The following CNTN3 variants were observed in gnomAD, a reference collection of about 807,000 sequenced individuals.
The protein encoded by CNTN3 is contactin 3, also known as contactin-3.
In CNTN3, 60 loss-of-function variants were observed where a neutral mutation model predicts 119.1. The ratio of observed to expected loss-of-function variants is 0.50; its 90% CI spans 0.41 to 0.62. The LOEUF (loss-of-function observed/expected upper bound fraction) is 0.62, where lower values mean the gene tolerates loss of function less well. CNTN3 is among the 20% of genes least tolerant of loss of function. The pLI is 0.00. For synonymous variants in CNTN3, 450 were observed against 438.7 expected (o/e 1.03, Z -0.32); for missense variants, 1,101 against 1,242.4 (o/e 0.89, Z 1.71).
At chr3:74,323,029 A>T (rs1419068816) in intron 13 of CNTN3, among the ~76,000 whole-genome samples, 3 of 152,202 alleles carry the variant, frequency 2.0e-5, no homozygotes, top group Non-Finnish European at 4.4e-5. Flanking sequence ...GAGGATTTTT[A>T]GGGCGGTGAA....
At chr3:74,314,123 T>G in intron 13 of CNTN3, among the ~76,000 whole-genome samples, 1 of 152,236 alleles carries the variant, frequency 6.6e-6, no homozygotes, top group Admixed American at 6.5e-5. Context: ...GATTTCAACA[T>G]GCAAATTTTG....
intron 11 of CNTN3, 114 bp from the exon 12 acceptor site, chr3:74,336,772 C>T (rs1460304638): frequency 4.2e-6 from 3 of 706,982 alleles, no homozygotes; most frequent in Non-Finnish European, 6.5e-6. Context: ...AAGGCATGAT[C>T]AACCAGTCCT....
intron 1 of CNTN3, among the ~76,000 whole-genome samples, chr3:74,550,644 T>A (rs1703976476): frequency 6.6e-6 from 1 of 152,174 alleles, no homozygotes; most frequent in South Asian, 2.1e-4. Context: ...ACTCAAGCCA[T>A]CCTTCTGTCT....
intron 1 of CNTN3, among the ~76,000 whole-genome samples, chr3:74,560,111 C>T (rs1001278079): frequency 2.6e-4 from 40 of 152,238 alleles, no homozygotes; most frequent in African/African-American, 9.6e-4. Context: ...AACGAGATAG[C>T]CCAGGGTGCA....
chr3:74,314,911 T>C (rs1388410651), intron 13 of CNTN3, among the ~76,000 whole-genome samples: 3 of 152,298 alleles, frequency 2.0e-5, no homozygotes, highest in African/African-American at 7.2e-5. Flanking sequence ...AGACCTTCTG[T>C]ACTGCATTCC....
intron 1 of CNTN3, among the ~76,000 whole-genome samples, chr3:74,609,730 A>T (rs1705049563): frequency 6.6e-6 from 1 of 152,202 alleles, no homozygotes. Context: ...AAGCTCAGCA[A>T]ACCAATAAGC....
intron 20 of CNTN3, among the ~76,000 whole-genome samples, chr3:74,272,832 A>G (rs1273690157): frequency 6.6e-6 from 1 of 152,176 alleles, no homozygotes; most frequent in Admixed American, 6.5e-5. Flanking sequence ...CTAGTATTTA[A>G]AAAGGAGGGT....
chr3:74,393,858 T>C (rs551543750), intron 5 of CNTN3, among the ~76,000 whole-genome samples: 30 of 152,326 alleles, frequency 2.0e-4, no homozygotes, highest in African/African-American at 6.0e-4. Context: ...ACAAGCACAA[T>C]TGTAGCTGAT....
chr3:74,366,113 C>G (rs1704179250), intron 8 of CNTN3, among the ~76,000 whole-genome samples: 1 of 152,010 alleles, frequency 6.6e-6, no homozygotes, highest in African/African-American at 2.4e-5. Flanking sequence ...ATATATTGTT[C>G]TTAATTATGA....
chr3:74,403,593 C>A (rs910886425), intron 5 of CNTN3, among the ~76,000 whole-genome samples: 11 of 152,132 alleles, frequency 7.2e-5, no homozygotes, highest in African/African-American at 2.7e-4. Flanking sequence ...GTTTAAACTT[C>A]CTCTACAACA....
At chr3:74,334,363 C>T (rs955402197) in intron 13 of CNTN3, among the ~76,000 whole-genome samples, 3 of 152,082 alleles carry the variant, frequency 2.0e-5, no homozygotes. Context: ...GGATCAAGCA[C>T]CTGGAGGAGA....
chr3:74,277,410 T>G (rs1366245032), intron 20 of CNTN3, among the ~76,000 whole-genome samples: 1 of 152,098 alleles, frequency 6.6e-6, no homozygotes, highest in Non-Finnish European at 1.5e-5. Flanking sequence ...AACAAAAAGA[T>G]AACCCACCAT....
At chr3:74,419,313 T>G (rs9855546) in intron 5 of CNTN3, among the ~76,000 whole-genome samples, 94,908 of 151,820 alleles carry the variant, frequency 0.63, 31,180 homozygotes, top group East Asian at 0.81. Flanking sequence ...AGATGAAAAC[T>G]CCTATTCAGT....
rs147758158 is a variant in CNTN3, at chr3:74,606,436, G to A, written c.-81+7955C>T. Reference sequence around the variant, plus strand: ...TCTTATGCATTTTGTGTGTGTGTCCGTGTGGGTGTGTGTCTGTGTGTGTAT... The same window carrying A: ...TCTTATGCATTTTGTGTGTGTGTCCATGTGGGTGTGTGTCTGTGTGTGTAT... On this transcript the variant is annotated intron_variant, in intron 1 of 22. Transcript: ENST00000263665. Among the ~76,000 whole-genome samples the A allele has an allele frequency of 4.3e-3, 653 of 151,922 alleles. 5 individuals are homozygous for A. Among genetic ancestry groups the A allele is most frequent in the Non-Finnish European group, 6.5e-3 (442 of 67,936 alleles).
chr3:74,320,705 C>A (rs977918817), intron 13 of CNTN3, among the ~76,000 whole-genome samples: 2 of 152,004 alleles, frequency 1.3e-5, no homozygotes, highest in South Asian at 4.1e-4. Context: ...CAGACAGATC[C>A]AACTTCATGA....
chr3:74,379,357 T>C (rs1036414919), intron 5 of CNTN3, among the ~76,000 whole-genome samples: 2 of 152,118 alleles, frequency 1.3e-5, no homozygotes, highest in Non-Finnish European at 2.9e-5. Context: ...GGTTTCGCCA[T>C]GTTGGTCAGG....
At chr3:74,289,276 C>G (rs1483057350) in intron 19 of CNTN3, among the ~76,000 whole-genome samples, 3 of 152,094 alleles carry the variant, frequency 2.0e-5, no homozygotes, top group Non-Finnish European at 2.9e-5. Flanking sequence ...TTATACTTAC[C>G]AAGCATTTGG....
At chr3:74,375,925 C>A (rs1221674034) in intron 5 of CNTN3, among the ~76,000 whole-genome samples, 1 of 152,090 alleles carries the variant, frequency 6.6e-6, no homozygotes, top group Non-Finnish European at 1.5e-5. Flanking sequence ...TTAAGTTAGC[C>A]ATCTCGCTGT....
At chr3:74,498,019 C>T (rs1426802343) in intron 3 of CNTN3, among the ~76,000 whole-genome samples, 1 of 151,770 alleles carries the variant, frequency 6.6e-6, no homozygotes, top group African/African-American at 2.4e-5. Context: ...TTTAGAAATA[C>T]ATTCCTATAT....
Sources: allele counts gnomAD v4.1 joint callset (sites outside exome capture counted in the v4.1 genomes callset), GRCh38; gene constraint gnomAD v4.1.1; transcripts MANE v1.5; gene names NCBI Gene and HGNC (gene_info 2026-07-23, HGNC 2026-07-21).